ZNRF2: variants seen among roughly 807,000 people sequenced by gnomAD.
The protein encoded by ZNRF2 is zinc and ring finger 2.
Under a neutral mutation model 20.4 loss-of-function variants are expected in ZNRF2, and 16 were observed. That is an observed-to-expected ratio of 0.79 (90% CI 0.53 to 1.19). ZNRF2 has a LOEUF of 1.19. Among genes scored for constraint, ZNRF2 ranks in the 50% most tolerant of loss-of-function variants. The pLI is 0.00. For missense variants in ZNRF2, 363 were observed against 332.4 expected (o/e 1.09, Z -0.72); for synonymous variants, 178 against 144.9 (o/e 1.23, Z -1.64).
At chr7:30,286,488 AATTTTGCAC>A (rs1228282252) in intron 1 of ZNRF2, among the ~76,000 whole-genome samples, 10 of 152,330 alleles carry the variant, frequency 6.6e-5, no homozygotes, top group Middle Eastern at 3.4e-3. Flanking sequence ...AGGAAGTAAA[AATTTTGCAC>A]ATCTGTCTTC....
chr7:30,321,269 A>G (rs1325021516), intron 1 of ZNRF2, among the ~76,000 whole-genome samples: 1 of 152,042 alleles, frequency 6.6e-6, no homozygotes, highest in Non-Finnish European at 1.5e-5. Context: ...AGCCTCATGT[A>G]TCACTACTGT....
At chr7:30,341,144 A>AG (rs1799790088) in intron 2 of ZNRF2, among the ~76,000 whole-genome samples, 2 of 152,024 alleles carry the variant, frequency 1.3e-5, no homozygotes, top group Non-Finnish European at 2.9e-5. Flanking sequence ...TTGTCTGGCT[A>AG]GGGGTCTACC....
At position 30,356,485 on chromosome 7, in the gene ZNRF2, G is replaced by A. The variant is rs73687826; in HGVS notation, c.671+652G>A. Among the ~76,000 whole-genome samples the A allele has an allele frequency of 1.0e-2, 1,515 of 152,138 alleles. 24 individuals carry two copies. Among genetic ancestry groups the A allele is most frequent in the African/African-American group, 0.033 (1,383 of 41,514 alleles). ...GAACAAACCCACTGGTTGAAAAACAGATTGAAAGGTTGGGATAGGTAGTTG... is the reference window on the plus strand; with the variant it reads ...GAACAAACCCACTGGTTGAAAAACAAATTGAAAGGTTGGGATAGGTAGTTG... On this transcript the variant is annotated intron_variant, in intron 3 of 4. Coordinates refer to ENST00000323037, the MANE Select transcript of ZNRF2 (RefSeq NM_147128.4).
chr7:30,319,183 G>A lies in ZNRF2; in HGVS notation c.470-4459G>A, dbSNP rs756925172. ...GAGACAGAGTCTTACCCTGTTGCCC[G>A]GGCTGTAGTGCAGTGGTAGGATCAT... is the stretch of plus-strand genomic sequence containing the variant. On this transcript the variant is annotated intron_variant, in intron 1 of 4. Transcript: ENST00000323037. Among the ~76,000 whole-genome samples the A allele has an allele frequency of 1.1e-4, 16 of 151,822 alleles. No individual in the cohort carries two copies. In the East Asian group the frequency reaches 1.4e-3, roughly 13 times the overall value.
intron 3 of ZNRF2, among the ~76,000 whole-genome samples, chr7:30,357,045 A>C (rs1800051945): frequency 6.6e-6 from 1 of 152,152 alleles, no homozygotes; most frequent in African/African-American, 2.4e-5. Context: ...CGAAACTGAC[A>C]AATTTATCAT....
At chr7:30,365,219 A>T (rs1193953193) in intron 4 of ZNRF2, among the ~76,000 whole-genome samples, 1 of 123,402 alleles carries the variant, frequency 8.1e-6, no homozygotes, top group African/African-American at 3.1e-5. Flanking sequence ...TTCATCAGCT[A>T]AATTTTTCCT....
chr7:30,344,170 C>A (rs1367852747), intron 2 of ZNRF2, among the ~76,000 whole-genome samples: 1 of 151,546 alleles, frequency 6.6e-6, no homozygotes, highest in Admixed American at 6.6e-5. Flanking sequence ...GATCTGCCTG[C>A]CTTGGCCTCC....
At chr7:30,342,641 G>C (rs546223033) in intron 2 of ZNRF2, among the ~76,000 whole-genome samples, 3 of 152,142 alleles carry the variant, frequency 2.0e-5, no homozygotes, top group African/African-American at 7.2e-5. Context: ...TTAGACTTTT[G>C]TTTATATTAT....
At chr7:30,343,557 G>A (rs1799830485) in intron 2 of ZNRF2, among the ~76,000 whole-genome samples, 1 of 151,808 alleles carries the variant, frequency 6.6e-6, no homozygotes, top group Admixed American at 6.6e-5. Context: ...TTATAACTTG[G>A]GTGCAAATTG....
chr7:30,317,826 GTTCTGTTATCAGAGATGGAAT>G (rs1799401301), intron 1 of ZNRF2, among the ~76,000 whole-genome samples: 1 of 152,124 alleles, frequency 6.6e-6, no homozygotes, highest in South Asian at 2.1e-4. Flanking sequence ...ATATTCTTTA[GTTCTGTTATCAGAGATGGAAT>G]GACAGCTTCT....
intron 2 of ZNRF2, among the ~76,000 whole-genome samples, chr7:30,324,558 AAG>A (rs1435534404): frequency 2.7e-5 from 4 of 149,128 alleles, no homozygotes; most frequent in Non-Finnish European, 4.4e-5. Flanking sequence ...CAAAAAAAAA[AAG>A]AAAAAAAAAC....
chr7:30,291,528 A>G (rs561782945), intron 1 of ZNRF2, among the ~76,000 whole-genome samples: 89 of 152,310 alleles, frequency 5.8e-4, no homozygotes, highest in Non-Finnish European at 9.4e-4. Flanking sequence ...GGTGAGGGAG[A>G]AGAAAAGTTA....
rs1334374402 is a variant in ZNRF2 at position 30,366,132 on chromosome 7, G to A, written c.*120G>A. On this transcript the variant is annotated 3_prime_UTR_variant, in exon 5 of 5. Coordinates refer to ENST00000323037, the MANE Select transcript of ZNRF2 (RefSeq NM_147128.4). ...CAGGCATACTCAGCCAGAAATCTGA[G>A]TTTTGTGAGACTTGGTAATACAGAG... 1 of 152,594 alleles carries A rather than the reference G, an allele frequency of 6.6e-6. No individual in the cohort carries two copies. Among genetic ancestry groups the A allele is most frequent in the Non-Finnish European group, 1.5e-5 (1 of 68,020 alleles). The allele number at this position is 152,594 out of a possible 1,614,324, so 9.5% of individuals were successfully genotyped here.
chr7:30,297,228 T>A (rs951181638), intron 1 of ZNRF2, among the ~76,000 whole-genome samples: 1 of 152,224 alleles, frequency 6.6e-6, no homozygotes, highest in African/African-American at 2.4e-5. Flanking sequence ...ATTTTCTTGT[T>A]AAAGTCTCTT....
intron 1 of ZNRF2, among the ~76,000 whole-genome samples, chr7:30,301,968 C>T (rs1010684086): frequency 1.3e-5 from 2 of 152,116 alleles, no homozygotes; most frequent in African/African-American, 4.8e-5. Flanking sequence ...CCAGTTCTGT[C>T]CGCTTCACTC....
chr7:30,285,667 C>T lies in ZNRF2; in HGVS notation c.310C>T (p.Pro104Ser), dbSNP rs1200398311. The change falls in exon 1 of 5, where the codon CCG becomes TCG. Residue 104 changes from proline (P) to serine (S), a missense_variant. Physicochemically the swap from Pro to Ser is moderately conservative, Grantham distance 74. Around this residue, in one of 2 missense-constraint regions of ZNRF2, gnomAD observed 302 missense variants for 231.5 expected, o/e 1.30. Transcript: ENST00000323037. ...ARAAQSPFSIPNSSSGPYGSQ... is the reference protein window; with the variant it reads ...ARAAQSPFSISNSSSGPYGSQ... ...CGCGGCGCAGTCCCCCTTCAGCATC[C>T]CGAACAGCAGCAGCGGCCCGTACGG... 33 of 1,434,618 alleles carry T rather than the reference C, an allele frequency of 2.3e-5. No homozygotes were observed. Among genetic ancestry groups the T allele is most frequent in the Non-Finnish European group, 2.8e-5 (31 of 1,100,058 alleles). 88.9% of individuals were successfully genotyped at this position (1,434,618 alleles called of 1,614,324 possible).
intron 1 of ZNRF2, among the ~76,000 whole-genome samples, chr7:30,294,688 G>A (rs1798979128): frequency 6.6e-6 from 1 of 151,988 alleles, no homozygotes; most frequent in Non-Finnish European, 1.5e-5. Flanking sequence ...GGGGTGCTGA[G>A]GCAGGAGAAT....
chr7:30,331,839 A>G (rs1799639815), intron 2 of ZNRF2, among the ~76,000 whole-genome samples: 1 of 152,188 alleles, frequency 6.6e-6, no homozygotes, highest in African/African-American at 2.4e-5. Flanking sequence ...TTGTGTTAAC[A>G]TTTCTAAAAT....
intron 1 of ZNRF2, among the ~76,000 whole-genome samples, chr7:30,306,111 A>T (rs1799200239): frequency 6.6e-6 from 1 of 152,174 alleles, no homozygotes; most frequent in African/African-American, 2.4e-5. Flanking sequence ...ATTAGATGAG[A>T]TAATGTAGCA....
Sources: allele counts gnomAD v4.1 joint callset (sites outside exome capture counted in the v4.1 genomes callset), GRCh38; gene constraint gnomAD v4.1.1; regional missense constraint gnomAD v4.1.1; transcripts MANE v1.5; gene names NCBI Gene and HGNC (gene_info 2026-07-23, HGNC 2026-07-21).